ADAM19: variants seen among roughly 807,000 people sequenced by gnomAD.
ADAM19 encodes the protein ADAM metallopeptidase domain 19.
A neutral mutation model predicts 114.7 loss-of-function variants in ADAM19; 65 were observed. The observed-to-expected ratio is 0.57, with a 90% CI of 0.46 to 0.70. The LOEUF is 0.70. Ranked by LOEUF, ADAM19 falls within the 30% of genes least tolerant of loss-of-function variation. The probability of loss-of-function intolerance (pLI) is 0.00; values close to 1 mark genes in which losing one functional copy is unlikely to be tolerated. For missense variants in ADAM19, 1,063 were observed against 1,204.7 expected (o/e 0.88, Z 1.74); for synonymous variants, 466 against 460.5 (o/e 1.01, Z -0.15).
intron 5 of ADAM19, among the ~76,000 whole-genome samples, chr5:157,522,290 T>C (rs1194665557): frequency 1.5e-5 from 2 of 129,826 alleles, no homozygotes; most frequent in Admixed American, 1.5e-4. Flanking sequence ...GATTTGTTTT[T>C]TGTTTTTGTT....
At chr5:157,485,102 G>A (rs1294322732) in intron 21 of ADAM19, among the ~76,000 whole-genome samples, 7 of 152,186 alleles carry the variant, frequency 4.6e-5, no homozygotes, top group East Asian at 3.9e-4. Context: ...GACACGGGGC[G>A]TCATCCCCTG....
At chr5:157,552,547 T>C (rs1268791950) in intron 3 of ADAM19, among the ~76,000 whole-genome samples, 2 of 151,198 alleles carry the variant, frequency 1.3e-5, no homozygotes, top group African/African-American at 4.9e-5. Context: ...GGCATGGTGG[T>C]GTGTGCCTGT....
At chr5:157,552,560 TC>T (rs887435337) in intron 3 of ADAM19, among the ~76,000 whole-genome samples, 1 of 150,950 alleles carries the variant, frequency 6.6e-6, no homozygotes, top group African/African-American at 2.4e-5. Flanking sequence ...GTGCCTGTAG[TC>T]CCAGCTACTC....
At chr5:157,492,145 A>G (rs1755191107) in intron 16 of ADAM19, among the ~76,000 whole-genome samples, 1 of 152,104 alleles carries the variant, frequency 6.6e-6, no homozygotes, top group South Asian at 2.1e-4. Context: ...TACAAAAATT[A>G]GCTGGGCCTG....
intron 3 of ADAM19, among the ~76,000 whole-genome samples, chr5:157,552,762 T>C (rs1027050323): frequency 1.4e-5 from 2 of 147,148 alleles, no homozygotes; most frequent in South Asian, 2.2e-4. Context: ...GAGTTTACAA[T>C]AGCCAAGATT....
At chr5:157,525,943 T>A (rs1184958105) in intron 5 of ADAM19, among the ~76,000 whole-genome samples, 2 of 152,128 alleles carry the variant, frequency 1.3e-5, no homozygotes, top group African/African-American at 4.8e-5. Context: ...ATAAGGGTGA[T>A]CCATCAAATA....
rs369462479 is a variant in ADAM19, at chr5:157,492,034, G to A, written c.1909-122C>T. 3.8e-4 allele frequency: 323 copies of A among 855,590 alleles called. 1 individual carries two copies. Among genetic ancestry groups the A allele is most frequent in the South Asian group, 2.6e-3 (176 of 67,146 alleles). The allele number at this position is 855,590 out of a possible 1,614,324, so 53.0% of individuals were successfully genotyped here. A position where few individuals can be genotyped will look rare whatever the true frequency, so the allele number is the denominator to read the frequency against. ...TGGCCCGGCCTGGTGGCTCACGCCT[G>A]TAATCCCAGCACTTTGGGAGGCTGA... On this transcript the variant is annotated intron_variant, in intron 16 of 22. Transcript: ENST00000257527.
At position 157,494,710 on chromosome 5, in the gene ADAM19, A is replaced by G. The variant is rs1478660349; in HGVS notation, c.1680T>C (p.Gly560=). The G allele has an allele frequency of 6.2e-7, 1 of 1,613,482 alleles. No individual in the cohort carries two copies. Among genetic ancestry groups the G allele is most frequent in the African/African-American group, 1.3e-5 (1 of 74,880 alleles). Residue 560 remains glycine (G), a synonymous_variant, in exon 15 of 23, where the codon GGT becomes GGC. Transcript: ENST00000257527. ...TFGNCGKDMN[G]EHRKCNMRDA... is the part of the protein sequence containing the mutation. ...ACCTCATGTTGCACTTCCTGTGTTC[A>G]CCATTCATGTCCTTTCCACAGTTTC...
At chr5:157,517,426 T>A (rs1038750095) in intron 7 of ADAM19, among the ~76,000 whole-genome samples, 1 of 152,210 alleles carries the variant, frequency 6.6e-6, no homozygotes, top group East Asian at 1.9e-4. Flanking sequence ...TTAGTACTTA[T>A]ATGATGGAGT....
chr5:157,527,074 G>A (rs1351388914), intron 5 of ADAM19, among the ~76,000 whole-genome samples: 3 of 152,254 alleles, frequency 2.0e-5, no homozygotes, highest in East Asian at 1.9e-4. Context: ...AAAGGAAAGA[G>A]GTTTAATTGA....
Position 157,480,563 on chromosome 5 carries a change from G to A in ADAM19, c.*386C>T. The A allele has an allele frequency of 9.6e-6, 10 of 1,045,724 alleles. No homozygotes were observed. Among genetic ancestry groups the A allele is most frequent in the Middle Eastern group, 4.6e-4 (1 of 2,154 alleles). 64.8% of individuals were successfully genotyped at this position (1,045,724 alleles called of 1,614,324 possible). A position where few individuals can be genotyped will look rare whatever the true frequency, so the allele number is the denominator to read the frequency against. On this transcript the variant is annotated 3_prime_UTR_variant, in exon 23 of 23. Coordinates refer to ENST00000257527, the MANE Select transcript of ADAM19 (RefSeq NM_033274.5). ...AATGGGAAGCTCTCTTGCGTGCCCT[G>A]CACCCCAGGAGTGAATGGATGGCTT...
At chr5:157,549,017 A>G (rs1757120734) in intron 3 of ADAM19, among the ~76,000 whole-genome samples, 1 of 152,200 alleles carries the variant, frequency 6.6e-6, no homozygotes, top group Non-Finnish European at 1.5e-5. Flanking sequence ...GAAGCCATCA[A>G]TGCCTTGTGC....
chr5:157,507,023 T>C, intron 10 of ADAM19, 33 bp downstream of exon 10: 1 of 1,587,270 alleles, frequency 6.3e-7, no homozygotes, highest in Non-Finnish European at 8.6e-7. Context: ...GCTCAGCGCC[T>C]TCTGCAGCGC....
chr5:157,573,246 AAG>A (rs2113804405), intron 1 of ADAM19, among the ~76,000 whole-genome samples: 1 of 152,338 alleles, frequency 6.6e-6, no homozygotes, highest in East Asian at 1.9e-4. Flanking sequence ...ACTTGGAAAT[AAG>A]GCAAGAGCAA....
At chr5:157,512,686 T>A (rs1357845237) in intron 8 of ADAM19, among the ~76,000 whole-genome samples, 1 of 152,202 alleles carries the variant, frequency 6.6e-6, no homozygotes, top group Admixed American at 6.5e-5. Flanking sequence ...CCGAAGAGCA[T>A]CTTGTAAAAG....
chr5:157,520,061 C>A (rs1323905368), intron 5 of ADAM19, 30 bp from the exon 6 acceptor site: 3 of 1,583,284 alleles, frequency 1.9e-6, no homozygotes, highest in Non-Finnish European at 2.6e-6. Flanking sequence ...AATCTCTGGT[C>A]AAAGATTATG....
intron 5 of ADAM19, among the ~76,000 whole-genome samples, chr5:157,528,331 C>A (rs1015539290): frequency 1.3e-5 from 2 of 152,222 alleles, no homozygotes; most frequent in Non-Finnish European, 2.9e-5. Flanking sequence ...TCCCTTTCAG[C>A]ACTGCTGCTG....
chr5:157,525,455 C>A (rs1369624081), intron 5 of ADAM19, among the ~76,000 whole-genome samples: 1 of 152,106 alleles, frequency 6.6e-6, no homozygotes, highest in African/African-American at 2.4e-5. Context: ...AAGAGGAAAG[C>A]CCACCCAAAA....
chr5:157,510,292 T>C (rs993153464), intron 8 of ADAM19, among the ~76,000 whole-genome samples: 19 of 152,148 alleles, frequency 1.2e-4, no homozygotes, highest in African/African-American at 4.6e-4. Flanking sequence ...CTGACCAACA[T>C]GGAGAAACCC....
Sources: allele counts gnomAD v4.1 joint callset (sites outside exome capture counted in the v4.1 genomes callset), GRCh38; gene constraint gnomAD v4.1.1; transcripts MANE v1.5; gene names NCBI Gene and HGNC (gene_info 2026-07-23, HGNC 2026-07-21).